CYP2J2: variants seen among roughly 807,000 people sequenced by gnomAD.
CYP2J2 encodes the protein cytochrome P450 family 2 subfamily J member 2.
In CYP2J2, 41 loss-of-function variants were observed where a neutral mutation model predicts 48.8. The ratio of observed to expected loss-of-function variants is 0.84; its 90% CI spans 0.66 to 1.09. CYP2J2 has a LOEUF of 1.09. Ranked by LOEUF, CYP2J2 falls within the 50% of genes least tolerant of loss-of-function variation. CYP2J2 has a pLI of 0.00. For missense variants in CYP2J2, 644 were observed against 617.3 expected (o/e 1.04, Z -0.46); for synonymous variants, 221 against 227.1 (o/e 0.97, Z 0.24).
Position 59,926,554 on chromosome 1 carries a change from G to C in CYP2J2, c.193C>G (p.His65Asp), listed in dbSNP as rs1644566202. The C allele has an allele frequency of 6.2e-7, 1 of 1,614,040 alleles. No individual in the cohort carries two copies. The highest frequency in any genetic ancestry group is 1.3e-5 in the African/African-American group (1 of 74,930). The change falls in exon 1 of 9, where the codon CAC becomes GAC. Residue 65 changes from histidine to aspartate, a missense_variant. Physicochemically the swap from His to Asp is moderately conservative, Grantham distance 81 (BLOSUM62 -1). Transcript: ENST00000371204. ...ACTCCTACCAGCTGAACCTCCAGGT[G>C]CGACTGCTCGAAGTCCACAAGGAAG... ...NFFLVDFEQS[H>D]LEVQLFVKKY...
the CYP2J2 span, among the ~76,000 whole-genome samples, chr1:59,959,576 A>G: frequency 6.6e-6 from 1 of 152,016 alleles, no homozygotes; most frequent in Non-Finnish European, 1.5e-5. Context: ...ATGTGTATAT[A>G]TGTATGTATG....
chr1:59,958,315 G>A, the CYP2J2 span, among the ~76,000 whole-genome samples: 3 of 152,042 alleles, frequency 2.0e-5, no homozygotes, highest in Non-Finnish European at 4.4e-5. Context: ...GTGCCCTTTG[G>A]AATTCACAGT....
Position 59,926,668 on chromosome 1 carries a change from C to A in CYP2J2, c.79G>T (p.Ala27Ser). Residue 27 changes from alanine to serine, a missense_variant, in exon 1 of 9, where the codon GCC becomes TCC. Coordinates refer to ENST00000371204, the MANE Select transcript of CYP2J2 (RefSeq NM_000775.4). ...HPRTLLLGTV[A>S]FLLAADFLKR... is the part of the protein sequence containing the mutation. ...AGAAAGTCAGCAGCGAGCAGAAAGG[C>A]GACAGTGCCCAGTAGGAGAGTCCGA... 3.1e-6 allele frequency: 5 copies of A among 1,614,224 alleles called. No homozygotes were observed. The highest frequency in any genetic ancestry group is 4.2e-6 in the Non-Finnish European group (5 of 1,180,034).
intron 8 of CYP2J2, among the ~76,000 whole-genome samples, chr1:59,897,488 T>C (rs1053388877): frequency 6.6e-6 from 1 of 152,182 alleles, no homozygotes; most frequent in African/African-American, 2.4e-5. Flanking sequence ...ACTAGGACTG[T>C]TAGGTGTCAA....
At chr1:59,952,687 G>C in the CYP2J2 span, among the ~76,000 whole-genome samples, 1 of 152,082 alleles carries the variant, frequency 6.6e-6, no homozygotes, top group Admixed American at 6.5e-5. Context: ...AGAAATACAA[G>C]TACTCCATCA....
chr1:59,961,941 G>T, the CYP2J2 span, among the ~76,000 whole-genome samples: 7 of 151,896 alleles, frequency 4.6e-5, no homozygotes, highest in Non-Finnish European at 7.4e-5. Flanking sequence ...TTCCAGAATA[G>T]GGAAATCTGT....
chr1:59,954,428 G>A, the CYP2J2 span, among the ~76,000 whole-genome samples: 1 of 152,144 alleles, frequency 6.6e-6, no homozygotes, highest in Non-Finnish European at 1.5e-5. Context: ...ATGAGTGGAA[G>A]TGGAGAAAAC....
chr1:59,909,733 C>T, intron 5 of CYP2J2, 51 bp downstream of exon 5: 3 of 1,386,968 alleles, frequency 2.2e-6, no homozygotes, highest in Non-Finnish European at 2.9e-6. Flanking sequence ...AACTAATATA[C>T]CTCTATTTGT....
At chr1:59,928,610 G>C (rs1156631419), upstream of CYP2J2, among the ~76,000 whole-genome samples, 1 of 152,150 alleles carries the variant, frequency 6.6e-6, no homozygotes, top group African/African-American at 2.4e-5. Context: ...CTCTATTCTA[G>C]GCAAGACTGG....
intron 8 of CYP2J2, among the ~76,000 whole-genome samples, chr1:59,898,151 C>T (rs1330601990): frequency 4.6e-5 from 7 of 152,210 alleles, no homozygotes; most frequent in African/African-American, 7.2e-5. Context: ...ATTTGCAATG[C>T]GATGTCATAG....
chr1:59,921,058 C>T (rs1251818791), intron 1 of CYP2J2, among the ~76,000 whole-genome samples: 1 of 152,124 alleles, frequency 6.6e-6, no homozygotes, highest in Non-Finnish European at 1.5e-5. Flanking sequence ...ATTCAGTGAT[C>T]CAATCTCCTT....
intron 1 of CYP2J2, among the ~76,000 whole-genome samples, chr1:59,918,331 A>T (rs1644484342): frequency 6.6e-6 from 1 of 152,210 alleles, no homozygotes; most frequent in African/African-American, 2.4e-5. Context: ...TAACTAGCAA[A>T]GTATACAGCC....
intron 8 of CYP2J2, among the ~76,000 whole-genome samples, chr1:59,897,056 A>G (rs1307710537): frequency 1.3e-5 from 2 of 152,216 alleles, no homozygotes; most frequent in African/African-American, 4.8e-5. Context: ...ATATGCAAAA[A>G]TGCTTAGTAA....
At chr1:59,969,068 C>T in the CYP2J2 span, among the ~76,000 whole-genome samples, 1 of 152,164 alleles carries the variant, frequency 6.6e-6, no homozygotes, top group African/African-American at 2.4e-5. Context: ...CGTGGTCTTG[C>T]TGGCTTCAGG....
In CYP2J2 at chr1:59,893,483, C is replaced by T. The variant is rs935961546; in HGVS notation, c.*168G>A. 7 of 504,678 alleles carry T rather than the reference C, an allele frequency of 1.4e-5. No homozygotes were observed. The highest frequency in any genetic ancestry group is 5.5e-4 in the Middle Eastern group (1 of 1,820). 31.3% of individuals were successfully genotyped at this position (504,678 alleles called of 1,614,324 possible). ...ATGATTTTCCCAAGGCTAATTCGGA[C>T]GAGACAGTAGAGCTGGGATTTGGAT... On this transcript the variant is annotated 3_prime_UTR_variant, in exon 9 of 9. Coordinates refer to ENST00000371204, the MANE Select transcript of CYP2J2 (RefSeq NM_000775.4).
intron 6 of CYP2J2, among the ~76,000 whole-genome samples, chr1:59,906,722 A>G (rs149924962): frequency 5.4e-4 from 83 of 152,302 alleles, no homozygotes; most frequent in African/African-American, 1.9e-3. Context: ...AACTCATGTA[A>G]GTGGAATCAT....
chr1:59,909,194 T>A (rs1328636457), intron 5 of CYP2J2, among the ~76,000 whole-genome samples: 1 of 152,184 alleles, frequency 6.6e-6, no homozygotes, highest in Non-Finnish European at 1.5e-5. Context: ...ACCCTACATT[T>A]TCTGAAATAT....
chr1:59,939,435 TAG>T, the CYP2J2 span, among the ~76,000 whole-genome samples: 3 of 152,188 alleles, frequency 2.0e-5, no homozygotes, highest in Admixed American at 6.5e-5. Context: ...CTCAAACAAA[TAG>T]AGTCTCTCTC....
At chr1:59,929,642 G>A (rs1417638680), upstream of CYP2J2, among the ~76,000 whole-genome samples, 1 of 152,012 alleles carries the variant, frequency 6.6e-6, no homozygotes. Flanking sequence ...ATCACTATAG[G>A]GGATCAACAG....
Sources: allele counts gnomAD v4.1 joint callset (sites outside exome capture counted in the v4.1 genomes callset), GRCh38; gene constraint gnomAD v4.1.1; transcripts MANE v1.5; gene names NCBI Gene and HGNC (gene_info 2026-07-23, HGNC 2026-07-21).